ATP2B1: variants seen among roughly 807,000 people sequenced by gnomAD.
The protein encoded by ATP2B1 is ATPase plasma membrane Ca2+ transporting 1.
Under a neutral mutation model 124.2 loss-of-function variants are expected in ATP2B1, and 14 were observed. The ratio of observed to expected loss-of-function variants is 0.11; its 90% CI spans 0.07 to 0.18. ATP2B1 has a LOEUF of 0.18. Ranked by LOEUF, ATP2B1 falls within the 10% of genes least tolerant of loss-of-function variation. The probability of loss-of-function intolerance (pLI) is 1.00; values close to 1 mark genes in which losing one functional copy is unlikely to be tolerated. For missense variants in ATP2B1, 763 were observed against 1,466.1 expected, an observed-to-expected ratio of 0.52 and a Z score of 7.83; for synonymous variants, 449 against 492.4, an observed-to-expected ratio of 0.91 and a Z score of 1.17.
chr12:89,705,499 C>A (rs539807519), intron 1 of ATP2B1, among the ~76,000 whole-genome samples: 36 of 152,100 alleles, frequency 2.4e-4, no homozygotes, highest in East Asian at 2.1e-3. Flanking sequence ...GGGAAAAAAA[C>A]CAAATATTAT....
At chr12:89,706,582 T>TA (rs891797926) in intron 1 of ATP2B1, among the ~76,000 whole-genome samples, 3 of 151,654 alleles carry the variant, frequency 2.0e-5, no homozygotes, top group South Asian at 4.2e-4. Flanking sequence ...CAAGCTTCAA[T>TA]AAAAAAAAGA....
chr12:89,627,732 G>C lies in ATP2B1; in HGVS notation c.929-16C>G. 2 of 1,613,148 alleles carry C rather than the reference G, an allele frequency of 1.2e-6. No individual in the cohort carries two copies. The highest frequency in any genetic ancestry group is 1.7e-6 in the Non-Finnish European group (2 of 1,179,378). ...TGTTTCTTATCTGTAGGAACAAAAT[G>C]GGAATTAAAGCTTTCCAAAAGAAAT... On this transcript the variant is annotated splice_polypyrimidine_tract_variant and intron_variant, in intron 6 of 20. Transcript: ENST00000428670.
intron 1 of ATP2B1, among the ~76,000 whole-genome samples, chr12:89,683,920 A>G (rs1592968474): frequency 6.6e-6 from 1 of 152,186 alleles, no homozygotes; most frequent in African/African-American, 2.4e-5. Flanking sequence ...AGCATTATTA[A>G]TAAATTCAAA....
chr12:89,624,880 AT>A (rs995754376), intron 8 of ATP2B1, among the ~76,000 whole-genome samples: 2 of 152,268 alleles, frequency 1.3e-5, no homozygotes, highest in African/African-American at 4.8e-5. Context: ...TATTTCTTCA[AT>A]TTTTTTGCTC....
At chr12:89,697,208 G>T (rs963283241) in intron 1 of ATP2B1, among the ~76,000 whole-genome samples, 1 of 152,130 alleles carries the variant, frequency 6.6e-6, no homozygotes, top group Non-Finnish European at 1.5e-5. Flanking sequence ...CAGGCAGTGG[G>T]CTATATGTAA....
intron 1 of ATP2B1, among the ~76,000 whole-genome samples, chr12:89,661,003 C>T (rs1001318401): frequency 1.3e-5 from 2 of 151,848 alleles, no homozygotes; most frequent in African/African-American, 2.4e-5. Flanking sequence ...GGTCTTAATC[C>T]ATGACTGGTT....
intron 2 of ATP2B1, among the ~76,000 whole-genome samples, chr12:89,650,444 C>T (rs117032433): frequency 6.6e-6 from 1 of 152,266 alleles, no homozygotes; most frequent in Non-Finnish European, 1.5e-5. Context: ...TTCCCTACCA[C>T]TTGCCCTCAA....
chr12:89,590,786 C>G lies in ATP2B1; in HGVS notation c.*198G>C, dbSNP rs1026995530. The G allele has an allele frequency of 1.8e-6, 1 of 558,316 alleles. No individual in the cohort carries two copies. Among genetic ancestry groups the G allele is most frequent in the African/African-American group, 1.9e-5 (1 of 52,700 alleles). 34.6% of individuals were successfully genotyped at this position (558,316 alleles called of 1,614,324 possible). On this transcript the variant is annotated 3_prime_UTR_variant, in exon 21 of 21. Coordinates refer to ENST00000428670, the MANE Select transcript of ATP2B1 (RefSeq NM_001366521.1). ...TTTATCTGTCAGTTCATTTCTCCCACCCCCCAAAAAGCACCCTCAGTCTGG... is the reference window on the plus strand; with the variant it reads ...TTTATCTGTCAGTTCATTTCTCCCAGCCCCCAAAAAGCACCCTCAGTCTGG...
intron 1 of ATP2B1, among the ~76,000 whole-genome samples, chr12:89,691,932 A>G (rs1015024188): frequency 2.6e-5 from 4 of 152,204 alleles, no homozygotes; most frequent in African/African-American, 4.8e-5. Context: ...CAAAGCAATT[A>G]AAGAATTTGC....
At chr12:89,694,071 A>G (rs1386091101) in intron 1 of ATP2B1, among the ~76,000 whole-genome samples, 1 of 152,214 alleles carries the variant, frequency 6.6e-6, no homozygotes, top group African/African-American at 2.4e-5. Flanking sequence ...AAATTAGAGG[A>G]ATGTCATGGT....
chr12:89,616,779 C>A, intron 12 of ATP2B1, 23 bp downstream of exon 12: 1 of 1,594,200 alleles, frequency 6.3e-7, no homozygotes, highest in Non-Finnish European at 8.6e-7. Flanking sequence ...TCTGCACATG[C>A]AGAACACAGA....
chr12:89,620,175 T>A lies in ATP2B1; in HGVS notation c.1653A>T (p.Gly551=), dbSNP rs767369389. 10 of 1,614,048 alleles carry A rather than the reference T, an allele frequency of 6.2e-6. No homozygotes were observed. The highest frequency in any genetic ancestry group is 8.5e-6 in the Non-Finnish European group (10 of 1,179,978). Residue 551 remains glycine (G), a synonymous_variant, in exon 11 of 21, where the codon GGA becomes GGT. Transcript: ENST00000428670. ...AATCCCGTTTTAAATCCAAAAGAAG[T>A]CCCAACAAGGCACATTCAGTTTTAT... ...VGNKTECALL[G]LLLDLKRDYQ... is the part of the protein sequence containing the mutation.
At chr12:89,606,404 T>C (rs1351506431) in intron 15 of ATP2B1, among the ~76,000 whole-genome samples, 1 of 152,212 alleles carries the variant, frequency 6.6e-6, no homozygotes, top group Non-Finnish European at 1.5e-5. Flanking sequence ...GGGAACTTGC[T>C]ATTAAGTCTT....
intron 3 of ATP2B1, 28 bp from the exon 4 acceptor site, chr12:89,635,279 C>T (rs1882505568): frequency 1.3e-6 from 2 of 1,597,062 alleles, no homozygotes; most frequent in South Asian, 1.1e-5. Context: ...AAATGCTTAT[C>T]AAAAAGATTC....
chr12:89,699,404 T>A (rs1891550735), intron 1 of ATP2B1, among the ~76,000 whole-genome samples: 1 of 152,204 alleles, frequency 6.6e-6, no homozygotes, highest in South Asian at 2.1e-4. Flanking sequence ...ACACGGTGTA[T>A]CACAGACGAA....
intron 11 of ATP2B1, among the ~76,000 whole-genome samples, chr12:89,618,622 T>C (rs1879414585): frequency 6.6e-6 from 1 of 152,212 alleles, no homozygotes; most frequent in Admixed American, 6.5e-5. Context: ...CCCATCACTA[T>C]TCAGCTGAAC....
intron 1 of ATP2B1, among the ~76,000 whole-genome samples, chr12:89,692,642 G>C (rs1324953731): frequency 6.6e-6 from 1 of 152,166 alleles, no homozygotes; most frequent in East Asian, 1.9e-4. Context: ...CTGCAAGCTT[G>C]CTGTTTTTAT....
chr12:89,616,702 C>A, intron 12 of ATP2B1, 100 bp downstream of exon 12: 8 of 1,164,666 alleles, frequency 6.9e-6, no homozygotes, highest in Non-Finnish European at 3.6e-6. Flanking sequence ...AAAAAAATCA[C>A]AAACACCAAG....
At chr12:89,636,031 G>C (rs1882637617) in intron 3 of ATP2B1, among the ~76,000 whole-genome samples, 1 of 152,062 alleles carries the variant, frequency 6.6e-6, no homozygotes. Context: ...AAAACATAGT[G>C]ATGTGCTATT....
Sources: gnomAD v4.1 joint callset for allele counts (sites outside exome capture counted in the v4.1 genomes callset) on GRCh38, gnomAD v4.1.1 for gene constraint, MANE v1.5 for transcripts, NCBI Gene and HGNC (gene_info 2026-07-23, HGNC 2026-07-21) for gene names.